GOPC: variants seen among roughly 807,000 people sequenced by gnomAD.
GOPC encodes the protein Golgi-associated PDZ and coiled-coil motif-containing protein.
Under a neutral mutation model 51.2 loss-of-function variants are expected in GOPC, and 32 were observed. The observed-to-expected ratio is 0.63, with a 90% CI of 0.47 to 0.84. The LOEUF (loss-of-function observed/expected upper bound fraction) is 0.84, where lower values mean the gene tolerates loss of function less well. Ranked by LOEUF, GOPC falls within the 40% of genes least tolerant of loss-of-function variation. The pLI is 0.00. For synonymous variants in GOPC, 190 were observed against 205.1 expected (o/e 0.93, Z 0.63); for missense variants, 441 against 555.5 (o/e 0.79, Z 2.07).
chr6:117,583,293 T>C (rs1203477941), intron 1 of GOPC, among the ~76,000 whole-genome samples: 2 of 152,206 alleles, frequency 1.3e-5, no homozygotes, highest in Non-Finnish European at 2.9e-5. Flanking sequence ...ACCATGAAGG[T>C]GTCAAGAAAA....
chr6:117,601,856 C>T, intron 1 of GOPC, 148 bp downstream of exon 1: 1 of 889,124 alleles, frequency 1.1e-6, no homozygotes, highest in South Asian at 1.8e-5. Context: ...CCCACCCTCA[C>T]CTCACTCCTC....
intron 8 of GOPC, among the ~76,000 whole-genome samples, chr6:117,564,651 G>C (rs983570633): frequency 6.6e-6 from 1 of 151,868 alleles, no homozygotes; most frequent in Non-Finnish European, 1.5e-5. Flanking sequence ...ATTTTTAGTT[G>C]AGTCACATTT....
In GOPC at chr6:117,577,429, A is replaced by C; in HGVS notation, c.474+19T>G. Reference sequence around the variant, plus strand: ...CTTCAGCGTGACATATTAAAGCAAAACAGAAACAATATACTTACCAGCTCC... The same window carrying C: ...CTTCAGCGTGACATATTAAAGCAAACCAGAAACAATATACTTACCAGCTCC... On this transcript the variant is annotated intron_variant, in intron 3 of 8. Transcript: ENST00000368498. 1 of 1,603,188 alleles carries C rather than the reference A, an allele frequency of 6.2e-7. No homozygotes were observed. Among genetic ancestry groups the C allele is most frequent in the Non-Finnish European group, 8.5e-7 (1 of 1,174,206 alleles).
intron 8 of GOPC, 22 bp from the exon 9 acceptor site, chr6:117,563,406 A>C (rs201240378): frequency 6.2e-7 from 1 of 1,611,442 alleles, no homozygotes; most frequent in Non-Finnish European, 8.5e-7. Context: ...GAGAAAAAAA[A>C]AGCAGACACT....
intron 8 of GOPC, among the ~76,000 whole-genome samples, chr6:117,564,121 G>C (rs1379398916): frequency 1.3e-5 from 2 of 151,938 alleles, no homozygotes; most frequent in African/African-American, 2.4e-5. Flanking sequence ...GGAGCTACAA[G>C]CATGTGCCAC....
rs566064054 is a variant in GOPC, at chr6:117,582,369, C to T, written c.286-3305G>A. On this transcript the variant is annotated intron_variant, in intron 1 of 8. Transcript: ENST00000368498. ...AGATGGGGGTGTGTCCTCGGCAAAA[C>T]CCCATCTTCAAGCCTAAAAGCTGAA... Among the ~76,000 whole-genome samples the T allele has an allele frequency of 1.5e-3, 222 of 151,402 alleles. 1 individual carries two copies. The highest frequency in any genetic ancestry group is 5.1e-3 in the African/African-American group (212 of 41,256).
chr6:117,577,843 C>CACAG (rs1470016590), intron 2 of GOPC, among the ~76,000 whole-genome samples: 1 of 152,048 alleles, frequency 6.6e-6, no homozygotes, highest in African/African-American at 2.4e-5. Flanking sequence ...ACCCTTCTAA[C>CACAG]ACAGATTCAC....
rs1443178629 is a variant in GOPC, at chr6:117,563,362, A to C, written c.1281T>G (p.Thr427=). Reference sequence around the variant, plus strand: ...CCAGGTCTCCATTTTCATGTGTGTCAGTTACTGCCTTCTTATTAAATCCTG... The same window carrying C: ...CCAGGTCTCCATTTTCATGTGTGTCCGTTACTGCCTTCTTATTAAATCCTG... The part of the protein sequence containing the change: ...VLQGFNKKAV[T]DTHENGDLGT... The change falls in exon 9 of 9, where the codon ACT becomes ACG. Residue 427 remains threonine, a synonymous_variant. Transcript: ENST00000368498. The C allele has an allele frequency of 6.2e-7, 1 of 1,613,552 alleles. No individual in the cohort carries two copies. The highest frequency in any genetic ancestry group is 8.5e-7 in the Non-Finnish European group (1 of 1,179,706).
chr6:117,572,919 A>G (rs1779828396), intron 5 of GOPC, among the ~76,000 whole-genome samples: 1 of 152,232 alleles, frequency 6.6e-6, no homozygotes, highest in Non-Finnish European at 1.5e-5. Context: ...TATATTATCA[A>G]GCAGCTGTTA....
intron 8 of GOPC, among the ~76,000 whole-genome samples, chr6:117,564,752 A>G (rs1181253527): frequency 6.6e-6 from 1 of 152,224 alleles, no homozygotes; most frequent in Non-Finnish European, 1.5e-5. Context: ...TCCCGACAGA[A>G]AACAGCAAGT....
intron 1 of GOPC, among the ~76,000 whole-genome samples, chr6:117,591,163 A>G (rs1241732365): frequency 2.0e-5 from 3 of 152,098 alleles, no homozygotes; most frequent in Admixed American, 6.6e-5. Flanking sequence ...CAAATGTCCA[A>G]TTTTAAAAAG....
intron 1 of GOPC, among the ~76,000 whole-genome samples, chr6:117,584,909 T>G (rs1780008475): frequency 6.6e-6 from 1 of 151,856 alleles, no homozygotes; most frequent in South Asian, 2.1e-4. Context: ...TACTTGCATG[T>G]GATCCATCTG....
intron 3 of GOPC, 198 bp from the exon 4 acceptor site, chr6:117,575,550 C>G: frequency 1.3e-6 from 1 of 749,422 alleles, no homozygotes; most frequent in Non-Finnish European, 2.4e-6. Flanking sequence ...TAATTGCACG[C>G]CATGGGTTAC....
Position 117,602,423 on chromosome 6 carries a change from G to A in GOPC, c.-135C>T. The A allele has an allele frequency of 2.4e-6, 2 of 825,030 alleles. No homozygotes were observed. Among genetic ancestry groups the A allele is most frequent in the Non-Finnish European group, 3.7e-6 (2 of 542,622 alleles). The allele number at this position is 825,030 out of a possible 1,614,324, so 51.1% of individuals were successfully genotyped here. On this transcript the variant is annotated 5_prime_UTR_variant, in exon 1 of 9. Coordinates refer to ENST00000368498, the MANE Select transcript of GOPC (RefSeq NM_020399.4). ...CCTCCCTTCACCTCGCGCCGTTAAC[G>A]CCAGCAGCACAGTCACAGAACCGCA...
At chr6:117,587,879 CTTT>C (rs879733530) in intron 1 of GOPC, among the ~76,000 whole-genome samples, 1 of 145,246 alleles carries the variant, frequency 6.9e-6, no homozygotes, top group Non-Finnish European at 1.5e-5. Context: ...TTTTGTTTTA[CTTT>C]TTTTTTTTTG....
chr6:117,572,290 A>C (rs1779817966), intron 5 of GOPC, among the ~76,000 whole-genome samples: 1 of 152,034 alleles, frequency 6.6e-6, no homozygotes, highest in Non-Finnish European at 1.5e-5. Flanking sequence ...ATTTAACCAA[A>C]AGCAGTTAGT....
chr6:117,567,503 C>T (rs1422907093), intron 7 of GOPC, among the ~76,000 whole-genome samples: 1 of 152,098 alleles, frequency 6.6e-6, no homozygotes, highest in Non-Finnish European at 1.5e-5. Flanking sequence ...ATAAGGACAT[C>T]ATATAAATCT....
intron 1 of GOPC, among the ~76,000 whole-genome samples, chr6:117,585,531 A>C (rs1780018175): frequency 6.6e-6 from 1 of 152,198 alleles, no homozygotes; most frequent in African/African-American, 2.4e-5. Flanking sequence ...TATTTTACAC[A>C]TGAAGAAACT....
At chr6:117,579,515 C>T (rs1277607353) in intron 1 of GOPC, among the ~76,000 whole-genome samples, 1 of 151,976 alleles carries the variant, frequency 6.6e-6, no homozygotes, top group Admixed American at 6.6e-5. Context: ...TAGCCCAAAT[C>T]ATCCCAATCA....
Sources: gnomAD v4.1 joint callset for allele counts (sites outside exome capture counted in the v4.1 genomes callset) on GRCh38, gnomAD v4.1.1 for gene constraint, MANE v1.5 for transcripts, NCBI Gene and HGNC (gene_info 2026-07-23, HGNC 2026-07-21) for gene names.